The following KLHL29 variants were observed in gnomAD, a reference collection of about 807,000 sequenced individuals.
The protein encoded by KLHL29 is kelch-like protein 29.
Under a neutral mutation model 80.4 loss-of-function variants are expected in KLHL29, and 21 were observed. The ratio of observed to expected loss-of-function variants is 0.26; its 90% CI spans 0.19 to 0.38. The LOEUF (loss-of-function observed/expected upper bound fraction) is 0.38, where lower values mean the gene tolerates loss of function less well. Ranked by LOEUF, KLHL29 falls within the 10% of genes least tolerant of loss-of-function variation. KLHL29 has a pLI of 1.00. For synonymous variants in KLHL29, 511 were observed against 526.8 expected (o/e 0.97, Z 0.41); for missense variants, 867 against 1,223.9 (o/e 0.71, Z 4.35).
intron 3 of KLHL29, among the ~76,000 whole-genome samples, chr2:23,574,764 C>T (rs939673143): frequency 6.6e-6 from 1 of 151,996 alleles, no homozygotes. Flanking sequence ...GAATGAATAC[C>T]CACCATGGGA....
In KLHL29 at chr2:23,491,467, G is replaced by A. The variant is rs6746568; in HGVS notation, c.-46+15800G>A. Among the ~76,000 whole-genome samples, 1,505 of 152,270 alleles carry A rather than the reference G, an allele frequency of 9.9e-3. 30 individuals carry two copies. Among genetic ancestry groups the A allele is most frequent in the African/African-American group, 0.035 (1,437 of 41,530 alleles). On this transcript the variant is annotated intron_variant, in intron 2 of 13. Transcript: ENST00000486442. ...CAGCAAACCAGTAGCAGGGCCCTGT[G>A]TGGCTTCAGATGCCTGGGGGGCTGA...
At chr2:23,519,226 C>T (rs778118973) in intron 2 of KLHL29, among the ~76,000 whole-genome samples, 3 of 152,184 alleles carry the variant, frequency 2.0e-5, no homozygotes, top group Non-Finnish European at 2.9e-5. Flanking sequence ...GTCTTGGACC[C>T]GTCCACTACC....
intron 2 of KLHL29, among the ~76,000 whole-genome samples, chr2:23,485,536 A>G (rs1023847389): frequency 1.3e-5 from 2 of 152,180 alleles, no homozygotes; most frequent in African/African-American, 2.4e-5. Context: ...AGCATAGTCC[A>G]TGGCCCAGGA....
At chr2:23,632,460 A>G (rs991372999) in intron 3 of KLHL29, among the ~76,000 whole-genome samples, 6 of 152,264 alleles carry the variant, frequency 3.9e-5, no homozygotes, top group African/African-American at 7.2e-5. Flanking sequence ...TGGACCTGGC[A>G]CCGTGAAGAC....
chr2:23,483,962 G>A (rs1021244766), intron 2 of KLHL29, among the ~76,000 whole-genome samples: 2 of 152,126 alleles, frequency 1.3e-5, no homozygotes, highest in Admixed American at 6.5e-5. Context: ...CAGCACATAC[G>A]ACGTGTCAAG....
chr2:23,627,080 A>G lies in KLHL29; in HGVS notation c.286-12059A>G, dbSNP rs80114425. 5.4e-3 allele frequency among the ~76,000 whole-genome samples: 825 copies of G among 152,186 alleles called. 6 individuals are homozygous for G. Among genetic ancestry groups the G allele is most frequent in the African/African-American group, 0.019 (794 of 41,540 alleles). ...AGCACCGCTCCTGGGGAAGGGAAGT[A>G]TCTATCTGCCCCAAGAGGGCTGTTT... On this transcript the variant is annotated intron_variant, in intron 3 of 13. Coordinates refer to ENST00000486442, the MANE Select transcript of KLHL29 (RefSeq NM_052920.2).
At chr2:23,401,898 A>G (rs547884549) in intron 1 of KLHL29, among the ~76,000 whole-genome samples, 1 of 152,330 alleles carries the variant, frequency 6.6e-6, no homozygotes, top group South Asian at 2.1e-4. Context: ...TCTCGAGGTA[A>G]CTGCTTCAGG....
Position 23,562,626 on chromosome 2 carries a change from GCC to G in KLHL29, c.285+146_285+147del. 1 of 779,832 alleles carries G rather than the reference GCC, an allele frequency of 1.3e-6. No homozygotes were observed. Among genetic ancestry groups the G allele is most frequent in the Non-Finnish European group, 2.0e-6 (1 of 504,852 alleles). The allele number at this position is 779,832 out of a possible 1,614,324, so 48.3% of individuals were successfully genotyped here. A position where few individuals can be genotyped will look rare whatever the true frequency, so the allele number is the denominator to read the frequency against. ...AGAGTCTTGTCCTTCCAGGACCTGG[GCC>G]TGGAAACTGTTTGCGAGCATTCATG... is the stretch of plus-strand genomic sequence containing the variant. On this transcript the variant is annotated intron_variant, in intron 3 of 13. Transcript: ENST00000486442. The surrounding 1 kb of genome is among the most constrained non-coding windows in gnomAD (Gnocchi z 4.5).
intron 5 of KLHL29, among the ~76,000 whole-genome samples, chr2:23,645,073 G>C (rs960204129): frequency 6.6e-6 from 1 of 152,146 alleles, no homozygotes; most frequent in Non-Finnish European, 1.5e-5. Flanking sequence ...AGTGACGCAC[G>C]CGCCTACAAA....
intron 3 of KLHL29, among the ~76,000 whole-genome samples, chr2:23,614,952 C>T (rs760894805): frequency 2.6e-4 from 40 of 152,000 alleles, no homozygotes; most frequent in Non-Finnish European, 4.7e-4. Context: ...TCCCTGCAGC[C>T]CCAGGTCAGC....
Position 23,680,945 on chromosome 2 carries a change from T to C in KLHL29, c.941-3454T>C, listed in dbSNP as rs1671068810. On this transcript the variant is annotated intron_variant, in intron 5 of 13. Transcript: ENST00000486442. This position sits in a 1 kb window ranked among gnomAD's most constrained non-coding sequence, Gnocchi z 4.1. ...ATCTCCCACACCTGAGAATAGGCCATGTTGTTGGAAGATCTCCCCAGACCC... is the reference window on the plus strand; with the variant it reads ...ATCTCCCACACCTGAGAATAGGCCACGTTGTTGGAAGATCTCCCCAGACCC... Among the ~76,000 whole-genome samples, 2 of 152,144 alleles carry C rather than the reference T, an allele frequency of 1.3e-5. No individual in the cohort carries two copies. Among genetic ancestry groups the C allele is most frequent in the African/African-American group, 2.4e-5 (1 of 41,432 alleles).
chr2:23,607,660 T>C (rs1375873668), intron 3 of KLHL29, among the ~76,000 whole-genome samples: 3 of 152,168 alleles, frequency 2.0e-5, no homozygotes, highest in Non-Finnish European at 2.9e-5. Context: ...CCACCTGAGC[T>C]CCATCTCCTG....
chr2:23,484,154 T>C (rs1257113528), intron 2 of KLHL29, among the ~76,000 whole-genome samples: 2 of 152,170 alleles, frequency 1.3e-5, no homozygotes, highest in Admixed American at 6.5e-5. Context: ...GGTCACAGAA[T>C]GACCATCGCA....
At chr2:23,579,666 T>G (rs376162711) in intron 3 of KLHL29, among the ~76,000 whole-genome samples, 1 of 152,242 alleles carries the variant, frequency 6.6e-6, no homozygotes, top group African/African-American at 2.4e-5. Flanking sequence ...TCTAGCTTCC[T>G]GCCTCCAATC....
intron 5 of KLHL29, among the ~76,000 whole-genome samples, chr2:23,653,203 C>G (rs966923792): frequency 1.3e-5 from 2 of 152,188 alleles, no homozygotes; most frequent in South Asian, 2.1e-4. Context: ...CCTCACTTTA[C>G]AGGTGGGGAA....
intron 3 of KLHL29, among the ~76,000 whole-genome samples, chr2:23,592,627 G>C (rs1668296958): frequency 6.6e-6 from 1 of 152,226 alleles, no homozygotes; most frequent in Admixed American, 6.5e-5. Flanking sequence ...GGAATTTTTA[G>C]TGCAAAGCAA....
intron 3 of KLHL29, among the ~76,000 whole-genome samples, chr2:23,618,609 G>T (rs888822853): frequency 6.6e-6 from 1 of 152,184 alleles, no homozygotes; most frequent in African/African-American, 2.4e-5. Flanking sequence ...AACTATACCA[G>T]TTCCCGCTCC....
rs780368618 is a variant in KLHL29 at position 23,696,007 on chromosome 2, C to T, written c.1798C>T (p.Arg600Cys). 3.0e-5 allele frequency: 46 copies of T among 1,551,536 alleles called. No homozygotes were observed. The highest frequency in any genetic ancestry group is 7.3e-5 in the East Asian group (3 of 40,928). Residue 600 changes from arginine (R) to cysteine (C), a missense_variant, in exon 10 of 14, where the codon CGC becomes TGC. By Grantham distance (180) the Arg-to-Cys change is radical. Coordinates refer to ENST00000486442, the MANE Select transcript of KLHL29 (RefSeq NM_052920.2). This position sits in a 1 kb window ranked among gnomAD's most constrained non-coding sequence, Gnocchi z 5.5. ...GGRQMVGMTQ[R>C]SLVAVTCWNP... ...CCGTCAGATGGTGGGGATGACCCAGCGCTCGCTGGTGGCCGTCACCTGCTG... is the reference window on the plus strand; with the variant it reads ...CCGTCAGATGGTGGGGATGACCCAGTGCTCGCTGGTGGCCGTCACCTGCTG...
At chr2:23,693,957 G>A (rs1025911818) in intron 8 of KLHL29, among the ~76,000 whole-genome samples, 36 of 152,356 alleles carry the variant, frequency 2.4e-4, no homozygotes, top group Non-Finnish European at 3.4e-4. Context: ...AGGATACAGA[G>A]AGGGCTCCCG....
Sources: gnomAD v4.1 joint callset for allele counts (sites outside exome capture counted in the v4.1 genomes callset) on GRCh38, gnomAD v4.1.1 for gene constraint, Gnocchi (gnomAD v3.1) non-coding constraint, MANE v1.5 for transcripts, NCBI Gene and HGNC (gene_info 2026-07-23, HGNC 2026-07-21) for gene names.